PLOD2: variants seen among roughly 807,000 people sequenced by gnomAD.
PLOD2 encodes the protein lysine hydroxylase 2.
PLOD2 carries 65 observed loss-of-function variants against 101.0 expected under a neutral mutation model. The ratio of observed to expected loss-of-function variants is 0.64; its 90% CI spans 0.53 to 0.79. The LOEUF (loss-of-function observed/expected upper bound fraction) is 0.79. Ranked by LOEUF, PLOD2 falls within the 30% of genes least tolerant of loss-of-function variation. The pLI, the probability that PLOD2 is intolerant of heterozygous loss-of-function variation, is 0.00. For missense variants in PLOD2, 909 were observed against 914.6 expected (o/e 0.99, Z 0.08); for synonymous variants, 314 against 302.9 (o/e 1.04, Z -0.38).
At chr3:146,083,187 T>C (rs994892265) in intron 11 of PLOD2, among the ~76,000 whole-genome samples, 2 of 152,212 alleles carry the variant, frequency 1.3e-5, no homozygotes, top group Non-Finnish European at 2.9e-5. Flanking sequence ...ATCTGCTGTA[T>C]ACCTCAATGT....
chr3:146,159,663 A>G (rs941877980), intron 1 of PLOD2, among the ~76,000 whole-genome samples: 1 of 152,208 alleles, frequency 6.6e-6, no homozygotes, highest in Non-Finnish European at 1.5e-5. Context: ...AAATTATGCA[A>G]AAGTTTAGTT....
intron 1 of PLOD2, among the ~76,000 whole-genome samples, chr3:146,131,931 G>GA (rs5853265): frequency 2.8e-4 from 42 of 149,648 alleles, no homozygotes; most frequent in Middle Eastern, 3.4e-3. Flanking sequence ...ATTTCAACAA[G>GA]AAAAAAAAAA....
At position 146,077,683 on chromosome 3, in the gene PLOD2, T is replaced by C. The variant is rs967873110; in HGVS notation, c.1563+179A>G. 38 of 499,910 alleles carry C rather than the reference T, an allele frequency of 7.6e-5. 1 individual carries two copies. Among genetic ancestry groups the C allele is most frequent in the South Asian group, 6.8e-4 (20 of 29,314 alleles). 31.0% of individuals were successfully genotyped at this position (499,910 alleles called of 1,614,324 possible). The stretch of plus-strand genomic sequence containing the variant: ...TCAGCTCAAAGAACCAAGAGTTGAC[T>C]ATCACACAAGACCCATGCCCAAGTC... On this transcript the variant is annotated intron_variant, in intron 14 of 19. Transcript: ENST00000282903.
At chr3:146,127,382 A>G (rs1015324368) in intron 1 of PLOD2, among the ~76,000 whole-genome samples, 1 of 151,932 alleles carries the variant, frequency 6.6e-6, no homozygotes, top group South Asian at 2.1e-4. Context: ...CTTTATGTCC[A>G]TGTGTACCCA....
At chr3:146,134,895 C>T (rs1423581099) in intron 1 of PLOD2, among the ~76,000 whole-genome samples, 2 of 152,128 alleles carry the variant, frequency 1.3e-5, no homozygotes, top group African/African-American at 4.8e-5. Context: ...AATAAACAGC[C>T]TTTATGTACA....
At chr3:146,092,843 T>C (rs1043197539) in intron 7 of PLOD2, among the ~76,000 whole-genome samples, 2 of 152,140 alleles carry the variant, frequency 1.3e-5, no homozygotes, top group African/African-American at 4.8e-5. Flanking sequence ...GTGAAATTAC[T>C]ACATCTTCTG....
intron 11 of PLOD2, among the ~76,000 whole-genome samples, chr3:146,083,160 T>C: frequency 6.6e-6 from 1 of 152,160 alleles, no homozygotes; most frequent in East Asian, 1.9e-4. Context: ...ACCAACAAAT[T>C]TGGGAAACCA....
At chr3:146,150,395 TA>T (rs72172825) in intron 1 of PLOD2, among the ~76,000 whole-genome samples, 15,145 of 149,612 alleles carry the variant, frequency 0.1, 841 homozygotes, top group South Asian at 0.14. Flanking sequence ...ACGTAGCCAT[TA>T]AAAAAAAAAT....
chr3:146,092,365 C>T (rs573943924), intron 7 of PLOD2, among the ~76,000 whole-genome samples: 2 of 152,050 alleles, frequency 1.3e-5, no homozygotes, highest in Non-Finnish European at 2.9e-5. Context: ...AACACAACGC[C>T]ACACAAAATA....
At chr3:146,139,516 G>A (rs992608699) in intron 1 of PLOD2, among the ~76,000 whole-genome samples, 1 of 152,050 alleles carries the variant, frequency 6.6e-6, no homozygotes, top group African/African-American at 2.4e-5. Flanking sequence ...CGTTATAAAC[G>A]CCAACTATCA....
intron 13 of PLOD2, 40 bp from the exon 14 acceptor site, chr3:146,077,964 C>T: frequency 9.5e-7 from 1 of 1,056,244 alleles, no homozygotes; most frequent in Non-Finnish European, 1.5e-6. Context: ...GACCTGTACA[C>T]CCGCTCTCTC....
chr3:146,153,618 T>C (rs542381048), intron 1 of PLOD2, among the ~76,000 whole-genome samples: 1 of 152,286 alleles, frequency 6.6e-6, no homozygotes, highest in African/African-American at 2.4e-5. Flanking sequence ...TGCCCTAGCA[T>C]CACAAAGCCA....
At chr3:146,109,411 A>G (rs770832435) in intron 4 of PLOD2, among the ~76,000 whole-genome samples, 2 of 152,222 alleles carry the variant, frequency 1.3e-5, no homozygotes, top group Non-Finnish European at 2.9e-5. Flanking sequence ...TTGAGGCATT[A>G]CCAAGAAACT....
intron 1 of PLOD2, among the ~76,000 whole-genome samples, chr3:146,138,677 T>G (rs773931714): frequency 5.9e-5 from 9 of 152,128 alleles, no homozygotes; most frequent in African/African-American, 1.2e-4. Flanking sequence ...TCAGAATGAA[T>G]AGACTGTGCA....
At chr3:146,078,345 C>A (rs1936417266) in intron 13 of PLOD2, among the ~76,000 whole-genome samples, 3 of 151,766 alleles carry the variant, frequency 2.0e-5, no homozygotes, top group African/African-American at 7.3e-5. Context: ...CATATTCAAA[C>A]AATACATGCT....
chr3:146,104,344 TA>T lies in PLOD2; in HGVS notation c.616-3del. On this transcript the variant is annotated splice_polypyrimidine_tract_variant and splice_region_variant and intron_variant, in intron 5 of 19. Coordinates refer to ENST00000282903, the MANE Select transcript of PLOD2 (RefSeq NM_182943.3). ...ATCCAATGTGATGTTAATAGCTTCC[TA>T]AAACATAAGAATAGAAATGATATTG... 6.8e-7 allele frequency: 1 copy of T among 1,462,014 alleles called. No homozygotes were observed. The highest frequency in any genetic ancestry group is 9.6e-7 in the Non-Finnish European group (1 of 1,041,602). The allele number at this position is 1,462,014 out of a possible 1,614,324, so 90.6% of individuals were successfully genotyped here. A position where few individuals can be genotyped will look rare whatever the true frequency, so the allele number is the denominator to read the frequency against.
chr3:146,134,385 A>G (rs1177618169), intron 1 of PLOD2, among the ~76,000 whole-genome samples: 1 of 152,198 alleles, frequency 6.6e-6, no homozygotes, highest in Non-Finnish European at 1.5e-5. Flanking sequence ...TATATACTAG[A>G]TATAATTTTA....
intron 3 of PLOD2, among the ~76,000 whole-genome samples, chr3:146,118,416 A>G (rs1938021592): frequency 6.6e-6 from 1 of 152,140 alleles, no homozygotes; most frequent in Non-Finnish European, 1.5e-5. Flanking sequence ...CATTATATTA[A>G]CATCTATTTT....
rs1424634259 is a variant in PLOD2 at position 146,102,740 on chromosome 3, G to GT, written c.777+14dup. Reference sequence around the variant, plus strand: ...ATCTCCAAGAATTGGCCAAATAAAAGTAACTGTTACTTACCTTGGTGGGTC... The same window carrying GT: ...ATCTCCAAGAATTGGCCAAATAAAAGTTAACTGTTACTTACCTTGGTGGGTC... On this transcript the variant is annotated intron_variant, in intron 7 of 19. Transcript: ENST00000282903. 3 of 1,296,372 alleles carry GT rather than the reference G, an allele frequency of 2.3e-6. No individual in the cohort carries two copies. The highest frequency in any genetic ancestry group is 1.1e-6 in the Non-Finnish European group (1 of 890,196). The allele number at this position is 1,296,372 out of a possible 1,614,324, so 80.3% of individuals were successfully genotyped here. A position where few individuals can be genotyped will look rare whatever the true frequency, so the allele number is the denominator to read the frequency against.
Sources: allele counts gnomAD v4.1 joint callset (sites outside exome capture counted in the v4.1 genomes callset), GRCh38; gene constraint gnomAD v4.1.1; transcripts MANE v1.5; gene names NCBI Gene and HGNC (gene_info 2026-07-23, HGNC 2026-07-21).